The following OTOA variants were observed in gnomAD, a reference collection of about 807,000 sequenced individuals.
OTOA encodes cancer/testis antigen 108.
In OTOA, 70 loss-of-function variants were observed where a neutral mutation model predicts 110.8. The observed-to-expected ratio is 0.63, with a 90% CI of 0.52 to 0.77. OTOA has a LOEUF of 0.77. Among genes scored for constraint, OTOA ranks in the 30% least tolerant of loss-of-function variants. OTOA has a pLI of 0.00. For missense variants in OTOA, 917 were observed against 1,075.8 expected, an observed-to-expected ratio of 0.85 and a Z score of 2.06; for synonymous variants, 373 against 431.5, an observed-to-expected ratio of 0.86 and a Z score of 1.68.
At chr16:21,719,058 T>G in intron 15 of OTOA, 75 bp from the exon 16 acceptor site, 5 of 1,435,556 alleles carry the variant, frequency 3.5e-6, no homozygotes, top group Non-Finnish European at 3.9e-6. Context: ...GTGGAATGCC[T>G]TCCTGATAGG....
At chr16:21,710,724 C>T (rs1296207218) in intron 13 of OTOA, among the ~76,000 whole-genome samples, 4 of 152,108 alleles carry the variant, frequency 2.6e-5, no homozygotes, top group East Asian at 1.9e-4. Context: ...CACTTACTGC[C>T]GGGCAAGGTG....
intron 1 of OTOA, among the ~76,000 whole-genome samples, chr16:21,677,969 C>T (rs909187329): frequency 3.9e-5 from 6 of 152,098 alleles, no homozygotes; most frequent in Non-Finnish European, 8.8e-5. Context: ...TCACTGCAAC[C>T]TCTACCTCAC....
At chr16:21,710,285 A>T (rs1898317058) in intron 13 of OTOA, among the ~76,000 whole-genome samples, 182 bp downstream of exon 13, 1 of 152,146 alleles carries the variant, frequency 6.6e-6, no homozygotes, top group African/African-American at 2.4e-5. Context: ...TTTCATTCTG[A>T]GGCCTCTTCT....
At chr16:21,690,993 G>T (rs1178612465) in intron 8 of OTOA, among the ~76,000 whole-genome samples, 1 of 136,004 alleles carries the variant, frequency 7.4e-6, no homozygotes, top group Admixed American at 8.4e-5. Context: ...AGGCCCCGGT[G>T]TGTGATGTTC....
intron 17 of OTOA, chr16:21,721,545 A>G (rs912602626): frequency 2.2e-6 from 1 of 453,856 alleles, no homozygotes; most frequent in African/African-American, 2.0e-5. Flanking sequence ...TGTGTTTCAG[A>G]GGTAACTATA....
chr16:21,674,896 C>CTTTTTTTTTTTTTTTT (rs60269668), intron 1 of OTOA, among the ~76,000 whole-genome samples: 1 of 29,786 alleles, frequency 3.4e-5, no homozygotes, highest in Non-Finnish European at 5.7e-5. Flanking sequence ...TTTTAAAAAT[C>CTTTTTTTTTTTTTTTT]TTTTTTTTTT....
At chr16:21,664,562 C>T (rs574779054) in intron 1 of OTOA, among the ~76,000 whole-genome samples, 1 of 152,244 alleles carries the variant, frequency 6.6e-6, no homozygotes, top group African/African-American at 2.4e-5. Context: ...AAAACAATAG[C>T]ATTAGTAATA....
intron 12 of OTOA, among the ~76,000 whole-genome samples, chr16:21,707,481 G>T (rs1015381486): frequency 1.6e-4 from 24 of 151,962 alleles, no homozygotes; most frequent in Admixed American, 1.6e-3. Flanking sequence ...TCCGTGGACT[G>T]GGGCCGGGGG....
At chr16:21,707,143 G>A (rs1223697674) in intron 12 of OTOA, among the ~76,000 whole-genome samples, 1 of 151,894 alleles carries the variant, frequency 6.6e-6, no homozygotes, top group Admixed American at 6.6e-5. Flanking sequence ...GGGATTACAG[G>A]CGTCAGCCAC....
intron 8 of OTOA, among the ~76,000 whole-genome samples, chr16:21,691,277 C>T (rs1271817059): frequency 6.6e-6 from 1 of 152,000 alleles, no homozygotes; most frequent in Non-Finnish European, 1.5e-5. Context: ...AATAAACATA[C>T]GTGTGCATGT....
Position 21,709,899 on chromosome 16 carries a change from ACTC to A in OTOA, c.1119_1121del (p.Leu374del). ...TGCTCTCCTTCCAGCTCAAAGCAGA[ACTC>A]CTGGACATTGCCATGGAGAACCAGA... On this transcript the variant is annotated inframe_deletion, in exon 13 of 29. Transcript: ENST00000646100. 1 of 1,613,236 alleles carries A rather than the reference ACTC, an allele frequency of 6.2e-7. No individual in the cohort carries two copies. The highest frequency in any genetic ancestry group is 8.5e-7 in the Non-Finnish European group (1 of 1,179,390).
rs1899092838 is a variant in OTOA, at chr16:21,730,850, T to C, written c.2221T>C (p.Trp741Arg). The C allele has an allele frequency of 6.4e-7, 1 of 1,571,956 alleles. No homozygotes were observed. The highest frequency in any genetic ancestry group is 8.7e-7 in the Non-Finnish European group (1 of 1,148,436). ...ATCTCTTTTTAGACTCCCTCAGCAC[T>C]GGACAGCCGAGACCACGAAGGACTT... The part of the protein sequence containing the change: ...LLGQYGLPQH[W>R]TAETTKDLGP... The change falls in exon 21 of 29, where the codon TGG becomes CGG. Residue 741 changes from tryptophan to arginine, a missense_variant. By Grantham distance (101) the Trp-to-Arg change is moderately radical. This residue lies in a region of OTOA where 840 missense variants were observed against 910.2 expected (regional missense o/e 0.92). Transcript: ENST00000646100.
Position 21,687,618 on chromosome 16 carries a change from G to C in OTOA, c.605G>C (p.Arg202Pro), listed in dbSNP as rs142850013. Residue 202 changes from arginine to proline, a missense_variant, in exon 8 of 29, where the codon CGG becomes CCG. Coordinates refer to ENST00000646100, the MANE Select transcript of OTOA (RefSeq NM_144672.4). ...CCAGACATCACAGAGCGGCTCCCTC[G>C]GGACCTGCGCGAGGATGCCTTTAAG... ...LQPDITERLP[R>P]DLREDAFKNL... is the part of the protein sequence containing the mutation. 3.7e-4 allele frequency: 600 copies of C among 1,613,650 alleles called. No individual in the cohort carries two copies. The highest frequency in any genetic ancestry group is 4.6e-4 in the Non-Finnish European group (540 of 1,179,936).
At position 21,721,817 on chromosome 16, in the gene OTOA, G is replaced by A. The variant is rs117985010; in HGVS notation, c.1807-1088G>A. Among the ~76,000 whole-genome samples the A allele has an allele frequency of 7.3e-3, 1,104 of 152,118 alleles. 30 individuals are homozygous for A. The highest frequency in any genetic ancestry group is 0.043 in the East Asian group (224 of 5,168). On this transcript the variant is annotated intron_variant, in intron 17 of 28. Coordinates refer to ENST00000646100, the MANE Select transcript of OTOA (RefSeq NM_144672.4). ...TGAGGCAGGAGGATCACTTGAACCT[G>A]GGAGTTCAAGGTGGCAGTGAGTTAT...
At chr16:21,715,441 TTG>T (rs1898523703) in intron 14 of OTOA, among the ~76,000 whole-genome samples, 4 of 150,972 alleles carry the variant, frequency 2.6e-5, no homozygotes, top group Non-Finnish European at 1.5e-5. Context: ...AGGTTCAAGT[TTG>T]TTTTTTTTTT....
intron 15 of OTOA, among the ~76,000 whole-genome samples, chr16:21,718,863 C>A (rs572755934): frequency 3.9e-5 from 6 of 152,238 alleles, no homozygotes; most frequent in Admixed American, 1.3e-4. Context: ...TCCAGCCCTG[C>A]CACCAATGTC....
intron 4 of OTOA, 28 bp from the exon 5 acceptor site, chr16:21,679,156 A>G (rs1486876569): frequency 1.9e-6 from 3 of 1,613,660 alleles, no homozygotes; most frequent in African/African-American, 2.7e-5. Flanking sequence ...CCTTTTAAAG[A>G]TGTCTTTTCA....
At chr16:21,735,248 G>A (rs455652) in intron 21 of OTOA, among the ~76,000 whole-genome samples, 174 of 152,172 alleles carry the variant, frequency 1.1e-3, no homozygotes, top group African/African-American at 2.8e-3. Context: ...GAAGGCCTCA[G>A]GAAACTTACA....
At chr16:21,682,326 C>A (rs538447233) in intron 6 of OTOA, among the ~76,000 whole-genome samples, 5 of 152,286 alleles carry the variant, frequency 3.3e-5, no homozygotes, top group Admixed American at 2.6e-4. Context: ...GAGGATATGA[C>A]GCAAGTTACA....
Sources: allele counts gnomAD v4.1 joint callset (sites outside exome capture counted in the v4.1 genomes callset), GRCh38; gene constraint gnomAD v4.1.1; regional missense constraint gnomAD v4.1.1; transcripts MANE v1.5; gene names NCBI Gene and HGNC (gene_info 2026-07-23, HGNC 2026-07-21).